Variants in UGT1A10 observed in about 807,000 individuals in gnomAD.
UGT1A10 encodes UDP glucuronosyltransferase family 1 member A10.
A neutral mutation model predicts 45.8 loss-of-function variants in UGT1A10; 49 were observed. The ratio of observed to expected loss-of-function variants is 1.07; its 90% CI spans 0.85 to 1.36. UGT1A10 has a LOEUF of 1.36. Ranked by LOEUF, UGT1A10 falls within the 40% of genes most tolerant of loss-of-function variation. The pLI is 0.00. For synonymous variants in UGT1A10, 284 were observed against 249.7 expected (o/e 1.14, Z -1.29); for missense variants, 745 against 668.6 (o/e 1.11, Z -1.26).
intron 1 of UGT1A10, chr2:233,743,409 A>C: frequency 7.6e-7 from 1 of 1,312,950 alleles, no homozygotes; most frequent in South Asian, 1.2e-5. Flanking sequence ...AAAGGCCCCC[A>C]CTTCCCAGGG....
In UGT1A10 at chr2:233,731,114, G is replaced by T. The variant is rs184066438; in HGVS notation, c.856-35920G>T. ...TTCTGTGCCTTTTTTATAAATGTAG[G>T]TATTATTGCAAAAGACTCTAAGCTT... On this transcript the variant is annotated intron_variant, in intron 1 of 4. Transcript: ENST00000344644. Among the ~76,000 whole-genome samples, 112 of 151,994 alleles carry T rather than the reference G, an allele frequency of 7.4e-4. 1 individual carries two copies. Among genetic ancestry groups the T allele is most frequent in the African/African-American group, 2.6e-3 (107 of 41,462 alleles).
chr2:233,772,918 G>T lies in UGT1A10; in HGVS notation c.*359G>T. The stretch of plus-strand genomic sequence containing the variant: ...CCCACGGCTGCCCCTACTGCAAATG[G>T]CAGTTTTAATCTTATCTTTTGGCTT... On this transcript the variant is annotated 3_prime_UTR_variant, in exon 5 of 5. Coordinates refer to ENST00000344644, the MANE Select transcript of UGT1A10 (RefSeq NM_019075.4). 5.3e-6 allele frequency: 2 copies of T among 377,338 alleles called. No homozygotes were observed. The highest frequency in any genetic ancestry group is 2.9e-5 in the South Asian group (1 of 34,748). The allele number at this position is 377,338 out of a possible 1,614,324, so 23.4% of individuals were successfully genotyped here.
In UGT1A10 at chr2:233,718,993, C is replaced by A. The variant is rs141408391; in HGVS notation, c.856-48041C>A. 181 of 1,614,090 alleles carry A rather than the reference C, an allele frequency of 1.1e-4. 1 individual carries two copies. Among genetic ancestry groups the A allele is most frequent in the Non-Finnish European group, 1.5e-4 (178 of 1,180,054 alleles). On this transcript the variant is annotated intron_variant, in intron 1 of 4. Transcript: ENST00000344644. ...GAGCTCCATGCCAGAGGCCACCAGGCGGTGGTCCTCACCCCAGAGGTGAAT... is the reference window on the plus strand; with the variant it reads ...GAGCTCCATGCCAGAGGCCACCAGGAGGTGGTCCTCACCCCAGAGGTGAAT...
At chr2:233,677,749 C>T (rs1351414878) in intron 1 of UGT1A10, among the ~76,000 whole-genome samples, 1 of 151,888 alleles carries the variant, frequency 6.6e-6, no homozygotes, top group African/African-American at 2.4e-5. Flanking sequence ...TTAGTTCATC[C>T]CCTGTGGGAA....
chr2:233,689,135 C>T (rs2074928364), intron 1 of UGT1A10, among the ~76,000 whole-genome samples: 1 of 152,204 alleles, frequency 6.6e-6, no homozygotes, highest in South Asian at 2.1e-4. Flanking sequence ...TTGTTACAAG[C>T]CCCTGAAGGA....
chr2:233,729,879 T>C (rs2125748829), intron 1 of UGT1A10: 1 of 1,613,906 alleles, frequency 6.2e-7, no homozygotes, highest in Non-Finnish European at 8.5e-7. Context: ...TTCTCAGTCA[T>C]GCATCTGTGT....
At chr2:233,730,253 A>G (rs1350953092) in intron 1 of UGT1A10, among the ~76,000 whole-genome samples, 3 of 152,152 alleles carry the variant, frequency 2.0e-5, no homozygotes, top group Non-Finnish European at 4.4e-5. Context: ...TGTGACTCAT[A>G]GAGACTGTTG....
At chr2:233,717,367 G>C (rs1460875817) in intron 1 of UGT1A10, among the ~76,000 whole-genome samples, 2 of 152,204 alleles carry the variant, frequency 1.3e-5, no homozygotes, top group African/African-American at 4.8e-5. Context: ...GAGTTCTCAA[G>C]CCCTTACAGA....
chr2:233,677,228 A>G (rs1412846028), intron 1 of UGT1A10, among the ~76,000 whole-genome samples: 1 of 152,170 alleles, frequency 6.6e-6, no homozygotes. Context: ...TTCAATGTAC[A>G]GTCTTTCACA....
intron 1 of UGT1A10, among the ~76,000 whole-genome samples, chr2:233,711,748 A>G (rs2076195201): frequency 6.6e-6 from 1 of 152,234 alleles, no homozygotes; most frequent in Non-Finnish European, 1.5e-5. Flanking sequence ...ACGGCCAGGC[A>G]TGTAGACACA....
chr2:233,754,735 A>C, intron 1 of UGT1A10: 1 of 652,450 alleles, frequency 1.5e-6, no homozygotes, highest in South Asian at 1.5e-5. Flanking sequence ...TCACTACCGT[A>C]GGACATGCAG....
At chr2:233,687,583 T>TAA (rs71398794) in intron 1 of UGT1A10, among the ~76,000 whole-genome samples, 17 of 107,406 alleles carry the variant, frequency 1.6e-4, no homozygotes, top group Admixed American at 4.2e-4. Flanking sequence ...ACATTCTTTG[T>TAA]AAAAAAAAAA....
intron 1 of UGT1A10, among the ~76,000 whole-genome samples, chr2:233,645,757 C>T (rs2073585018): frequency 1.3e-5 from 2 of 152,204 alleles, no homozygotes; most frequent in South Asian, 4.1e-4. Context: ...GGTACAGCCT[C>T]CCTTCCAGCT....
chr2:233,726,805 G>A (rs2077562832), intron 1 of UGT1A10, among the ~76,000 whole-genome samples: 1 of 152,144 alleles, frequency 6.6e-6, no homozygotes, highest in African/African-American at 2.4e-5. Flanking sequence ...AAGGCTTGGA[G>A]GTTTTCCTCT....
chr2:233,685,269 G>C (rs2074731208), intron 1 of UGT1A10, among the ~76,000 whole-genome samples: 1 of 152,250 alleles, frequency 6.6e-6, no homozygotes, highest in East Asian at 1.9e-4. Context: ...CTGACCTCAA[G>C]TGATCCGCCC....
intron 1 of UGT1A10, 57 bp from the exon 2 acceptor site, chr2:233,766,977 T>C: frequency 1.2e-6 from 2 of 1,612,554 alleles, no homozygotes; most frequent in Non-Finnish European, 1.7e-6. Context: ...ACTTACTGTA[T>C]GTAGTCATCA....
At chr2:233,652,956 A>G (rs1353410017) in intron 1 of UGT1A10, among the ~76,000 whole-genome samples, 1 of 152,230 alleles carries the variant, frequency 6.6e-6, no homozygotes, top group African/African-American at 2.4e-5. Flanking sequence ...AACAACAACA[A>G]AAAACACAGA....
At position 233,636,768 on chromosome 2, in the gene UGT1A10, T is replaced by C. The variant is rs780833650; in HGVS notation, c.246T>C (p.Thr82=). The C allele has an allele frequency of 1.2e-6, 2 of 1,614,168 alleles. No individual in the cohort carries two copies. Among genetic ancestry groups the C allele is most frequent in the African/African-American group, 1.3e-5 (1 of 75,050 alleles). The change falls in exon 1 of 5, where the codon ACT becomes ACC. Residue 82 remains threonine, a synonymous_variant. Transcript: ENST00000344644. The part of the protein sequence containing the change: ...CTVKTYSTSY[T]LEDQNREFMV... Reference sequence around the variant, plus strand: ...TGAAGACTTACTCAACCTCGTACACTCTGGAAGATCAGAACCGGGAATTCA... The same window carrying C: ...TGAAGACTTACTCAACCTCGTACACCCTGGAAGATCAGAACCGGGAATTCA...
chr2:233,769,449 G>A lies in UGT1A10; in HGVS notation c.1295+1010G>A, dbSNP rs538754639. ...GCTGTGCTCATGTGTGGGTGCACAC[G>A]TGTGCATTCATATGCGTGTGTGTGT... On this transcript the variant is annotated intron_variant, in intron 4 of 4. Coordinates refer to ENST00000344644, the MANE Select transcript of UGT1A10 (RefSeq NM_019075.4). The surrounding 1 kb of genome is among the most constrained non-coding windows in gnomAD (Gnocchi z 4.4). The A allele has an allele frequency of 8.2e-5, 130 of 1,580,920 alleles. 1 individual carries two copies. The highest frequency in any genetic ancestry group is 7.2e-4 in the African/African-American group (54 of 74,488).
Sources: allele counts gnomAD v4.1 joint callset (sites outside exome capture counted in the v4.1 genomes callset), GRCh38; gene constraint gnomAD v4.1.1; non-coding constraint Gnocchi (gnomAD v3.1); transcripts MANE v1.5; gene names NCBI Gene and HGNC (gene_info 2026-07-23, HGNC 2026-07-21).